GRM1: variants seen among roughly 807,000 people sequenced by gnomAD.
GRM1 encodes the protein glutamate metabotropic receptor 1.
GRM1 carries 33 observed loss-of-function variants against 90.9 expected under a neutral mutation model. The observed-to-expected ratio is 0.36, with a 90% confidence interval of 0.28 to 0.49. The LOEUF (loss-of-function observed/expected upper bound fraction) is 0.49. GRM1 is among the 20% of genes least tolerant of loss of function. The pLI is 0.99. For missense variants in GRM1, 1,190 were observed against 1,534.3 expected (o/e 0.78, Z 3.75); for synonymous variants, 700 against 613.2 (o/e 1.14, Z -2.09).
intron 5 of GRM1, among the ~76,000 whole-genome samples, chr6:146,358,298 C>T (rs1298265663): frequency 6.6e-6 from 1 of 152,144 alleles, no homozygotes; most frequent in East Asian, 1.9e-4. Flanking sequence ...AACAAACAAG[C>T]ATCAAATCCT....
At chr6:146,188,437 C>T (rs1221778114) in intron 2 of GRM1, among the ~76,000 whole-genome samples, 4 of 152,140 alleles carry the variant, frequency 2.6e-5, no homozygotes, top group African/African-American at 9.7e-5. Flanking sequence ...TCTATTGCTA[C>T]CTCAGTTGCC....
chr6:146,226,118 A>T (rs1404571765), intron 2 of GRM1, among the ~76,000 whole-genome samples: 7 of 152,120 alleles, frequency 4.6e-5, no homozygotes, highest in Admixed American at 4.6e-4. Flanking sequence ...TAGCTTCATG[A>T]TTGGCTAAGG....
At chr6:146,309,291 C>T (rs954695883) in intron 3 of GRM1, among the ~76,000 whole-genome samples, 1 of 151,384 alleles carries the variant, frequency 6.6e-6, no homozygotes, top group Non-Finnish European at 1.5e-5. Flanking sequence ...CCTAGCTACT[C>T]GGGAGGCTGA....
At chr6:146,198,982 C>T (rs1368857868) in intron 2 of GRM1, among the ~76,000 whole-genome samples, 2 of 152,192 alleles carry the variant, frequency 1.3e-5, no homozygotes, top group African/African-American at 2.4e-5. Context: ...TTTCAGCTTC[C>T]TGGCTTAAGA....
intron 2 of GRM1, among the ~76,000 whole-genome samples, chr6:146,184,599 C>A (rs1262584910): frequency 6.6e-6 from 1 of 152,100 alleles, no homozygotes; most frequent in Admixed American, 6.6e-5. Flanking sequence ...CTGTGGTAAG[C>A]AAAGCACAGA....
Position 146,434,976 on chromosome 6 carries a change from C to T in GRM1, c.*180C>T, listed in dbSNP as rs1382313686. 1 of 623,244 alleles carries T rather than the reference C, an allele frequency of 1.6e-6. No homozygotes were observed. Among genetic ancestry groups the T allele is most frequent in the Non-Finnish European group, 2.8e-6 (1 of 354,500 alleles). 38.6% of individuals were successfully genotyped at this position (623,244 alleles called of 1,614,324 possible). On this transcript the variant is annotated 3_prime_UTR_variant, in exon 8 of 8. Transcript: ENST00000282753. ...TTAAGTAGGAAGAGAGGGAAGGACACCAAGCAAAAAATGTTCCAGGCCAGG... is the reference window on the plus strand; with the variant it reads ...TTAAGTAGGAAGAGAGGGAAGGACATCAAGCAAAAAATGTTCCAGGCCAGG...
intron 2 of GRM1, among the ~76,000 whole-genome samples, chr6:146,230,825 C>G (rs1243306716): frequency 6.6e-6 from 1 of 151,838 alleles, no homozygotes; most frequent in Admixed American, 6.6e-5. Flanking sequence ...TTATTCAGTA[C>G]TAAAAAGAAA....
intron 2 of GRM1, among the ~76,000 whole-genome samples, chr6:146,284,809 T>G (rs977961352): frequency 2.6e-5 from 4 of 152,190 alleles, no homozygotes; most frequent in Admixed American, 1.3e-4. Context: ...ATTAAACCTC[T>G]TTTGTTTATA....
At chr6:146,308,427 A>G (rs1741944294) in intron 3 of GRM1, among the ~76,000 whole-genome samples, 1 of 152,228 alleles carries the variant, frequency 6.6e-6, no homozygotes, top group Non-Finnish European at 1.5e-5. Flanking sequence ...TGTTACTACT[A>G]GTGTCATGTC....
At chr6:146,251,886 G>A (rs1425088459) in intron 2 of GRM1, among the ~76,000 whole-genome samples, 1 of 152,078 alleles carries the variant, frequency 6.6e-6, no homozygotes, top group Admixed American at 6.6e-5. Context: ...CTTTGACATT[G>A]TACTTCTCTC....
At chr6:146,422,270 G>A (rs995556285) in intron 7 of GRM1, among the ~76,000 whole-genome samples, 1 of 152,116 alleles carries the variant, frequency 6.6e-6, no homozygotes, top group African/African-American at 2.4e-5. Context: ...AAAAAGTCTG[G>A]AAGAGAGAGA....
intron 3 of GRM1, among the ~76,000 whole-genome samples, chr6:146,346,513 G>A (rs1785195964): frequency 6.6e-6 from 1 of 151,996 alleles, no homozygotes; most frequent in African/African-American, 2.4e-5. Flanking sequence ...GTAAAATATA[G>A]TGTCAGAGGA....
In GRM1 at chr6:146,280,404, G is replaced by T. The variant is rs1176999146; in HGVS notation, c.951-24207G>T. Among the ~76,000 whole-genome samples the T allele has an allele frequency of 2.0e-5, 3 of 152,170 alleles. 1 individual carries two copies. Among genetic ancestry groups the T allele is most frequent in the South Asian group, 4.2e-4 (2 of 4,814 alleles). ...TGACTATGATTCTTTCATAACTATT[G>T]CTCTGATTAGTATCATTCTGTTTGG... On this transcript the variant is annotated intron_variant, in intron 2 of 7. Transcript: ENST00000282753.
Position 146,072,499 on chromosome 6 carries a change from C to G in GRM1, c.700+42282C>G, listed in dbSNP as rs575904578. Among the ~76,000 whole-genome samples the G allele has an allele frequency of 1.7e-3, 254 of 152,122 alleles. 1 individual carries two copies. The highest frequency in any genetic ancestry group is 5.8e-3 in the African/African-American group (241 of 41,508). ...TTTTAGCAAGATTCCACATCAAAAG[C>G]AAAGTATATAAATAAACAAAACTTA... On this transcript the variant is annotated intron_variant, in intron 1 of 7. Transcript: ENST00000282753.
intron 2 of GRM1, among the ~76,000 whole-genome samples, chr6:146,293,782 T>C (rs972114700): frequency 6.6e-6 from 1 of 151,770 alleles, no homozygotes. Flanking sequence ...TTAAATATAC[T>C]ATTGTTCAGA....
At chr6:146,034,189 C>T (rs1281444078) in intron 1 of GRM1, among the ~76,000 whole-genome samples, 2 of 151,984 alleles carry the variant, frequency 1.3e-5, no homozygotes, top group Non-Finnish European at 2.9e-5. Flanking sequence ...TTAGTCAGTT[C>T]TTCTATGTAA....
chr6:146,146,428 C>A (rs998820386), intron 1 of GRM1, among the ~76,000 whole-genome samples: 1 of 152,018 alleles, frequency 6.6e-6, no homozygotes, highest in African/African-American at 2.4e-5. Flanking sequence ...TTTGATTTCA[C>A]ATGTTCCCAG....
At chr6:146,186,213 A>G (rs1174966368) in intron 2 of GRM1, among the ~76,000 whole-genome samples, 4 of 151,602 alleles carry the variant, frequency 2.6e-5, no homozygotes, top group African/African-American at 4.8e-5. Flanking sequence ...CCTGACCTCA[A>G]GTGATTCACC....
intron 1 of GRM1, among the ~76,000 whole-genome samples, chr6:146,110,223 G>T (rs889503373): frequency 6.6e-6 from 1 of 152,144 alleles, no homozygotes; most frequent in South Asian, 2.1e-4. Flanking sequence ...ATCTTGAATT[G>T]TAGCTCCTGC....
Sources: allele counts gnomAD v4.1 joint callset (sites outside exome capture counted in the v4.1 genomes callset), GRCh38; gene constraint gnomAD v4.1.1; transcripts MANE v1.5; gene names NCBI Gene and HGNC (gene_info 2026-07-23, HGNC 2026-07-21).